Variants in CFAP69 observed in about 807,000 individuals in gnomAD.
CFAP69 encodes cilia and flagella associated protein 69.
A neutral mutation model predicts 123.0 loss-of-function variants in CFAP69; 92 were observed. The ratio of observed to expected loss-of-function variants is 0.75; its 90% CI spans 0.63 to 0.89. CFAP69 has a LOEUF of 0.89. Among genes scored for constraint, CFAP69 ranks in the 40% least tolerant of loss-of-function variants. CFAP69 has a pLI of 0.00. For missense variants in CFAP69, 1,067 were observed against 1,096.9 expected, an observed-to-expected ratio of 0.97 and a Z score of 0.39; for synonymous variants, 380 against 364.3, an observed-to-expected ratio of 1.04 and a Z score of -0.49.
At chr7:90,311,698 G>T (rs1276344688), downstream of CFAP69, among the ~76,000 whole-genome samples, 3 of 152,082 alleles carry the variant, frequency 2.0e-5, no homozygotes, top group Non-Finnish European at 4.4e-5. Flanking sequence ...TCATTGAGAG[G>T]TAGGGGTTGC....
At chr7:90,292,572 C>G (rs1791354536) in intron 15 of CFAP69, among the ~76,000 whole-genome samples, 1 of 152,166 alleles carries the variant, frequency 6.6e-6, no homozygotes, top group Non-Finnish European at 1.5e-5. Context: ...ATTAAGAACA[C>G]TCACGAATAG....
intron 15 of CFAP69, among the ~76,000 whole-genome samples, chr7:90,290,342 G>C (rs1489665960): frequency 6.6e-6 from 1 of 152,158 alleles, no homozygotes; most frequent in Non-Finnish European, 1.5e-5. Flanking sequence ...AAAGCTGGAT[G>C]CTTGAAGCCC....
rs550493329 is a variant in CFAP69 at position 90,288,264 on chromosome 7, G to A, written c.1687G>A (p.Val563Ile). The A allele has an allele frequency of 1.9e-5, 30 of 1,610,572 alleles. 1 individual carries two copies. The highest frequency in any genetic ancestry group is 1.7e-4 in the Middle Eastern group (1 of 6,034). Residue 563 changes from valine (V) to isoleucine (I), a missense_variant, in exon 15 of 23, where the codon GTT becomes ATT. By Grantham distance (29) the Val-to-Ile change is conservative. Transcript: ENST00000389297. Reference protein sequence around the residue: ...EIFGTEGVDIVLHVMKTDPRK... With the variant: ...EIFGTEGVDIILHVMKTDPRK... ...TTTCGGAACTGAAGGAGTAGATATC[G>A]TTCTTCATGTGATGAAAACAGACCC...
intron 3 of CFAP69, among the ~76,000 whole-genome samples, chr7:90,261,462 T>A (rs1384427573): frequency 1.3e-5 from 2 of 152,272 alleles, no homozygotes; most frequent in East Asian, 3.9e-4. Context: ...CCTAACCAAT[T>A]TAAGCCTTAA....
chr7:90,262,162 A>T, intron 4 of CFAP69, 106 bp downstream of exon 4: 1 of 658,540 alleles, frequency 1.5e-6, no homozygotes, highest in Non-Finnish European at 2.5e-6. Flanking sequence ...ATTGCTACAG[A>T]ACTCAGAAAA....
intron 18 of CFAP69, chr7:90,304,438 A>C (rs1432273305): frequency 1.7e-5 from 20 of 1,205,272 alleles, no homozygotes; most frequent in Non-Finnish European, 1.9e-5. Flanking sequence ...CTGTCTATTA[A>C]GGAAAAAGTT....
Position 90,245,449 on chromosome 7 carries a change from AC to A in CFAP69, c.27del (p.Ala10ProfsTer24). MWTEEAGA[T>X]AEAQESGIRN... is the part of the protein sequence containing the mutation. ...CATGTGGACAGAGGAAGCCGGGGCG[AC>A]CGCCGAGGCCCAGGAATCCGGCATC... On this transcript the variant is annotated frameshift_variant, in exon 1 of 23. Coordinates refer to ENST00000389297, the MANE Select transcript of CFAP69 (RefSeq NM_001039706.3). LOFTEE classifies it high-confidence loss of function. 1 of 1,557,756 alleles carries A rather than the reference AC, an allele frequency of 6.4e-7. No individual in the cohort carries two copies. Among genetic ancestry groups the A allele is most frequent in the Non-Finnish European group, 8.7e-7 (1 of 1,154,362 alleles).
intron 22 of CFAP69, 131 bp from the exon 23 acceptor site, chr7:90,309,937 A>G (rs1394616650): frequency 4.4e-6 from 3 of 675,822 alleles, no homozygotes; most frequent in South Asian, 2.2e-5. Context: ...TCTTTCTATT[A>G]TACCATAACT....
chr7:90,313,840 A>G (rs1562937670), downstream of CFAP69, among the ~76,000 whole-genome samples: 1 of 152,232 alleles, frequency 6.6e-6, no homozygotes, highest in Non-Finnish European at 1.5e-5. Context: ...GGTTATGCTT[A>G]GTGACTTCTT....
chr7:90,311,568 A>T (rs150943787), downstream of CFAP69, among the ~76,000 whole-genome samples: 8 of 152,282 alleles, frequency 5.3e-5, no homozygotes, highest in Non-Finnish European at 1.2e-4. Flanking sequence ...AGGCTCTATC[A>T]CCTCAATGTA....
chr7:90,249,164 G>A (rs1584283335), intron 1 of CFAP69, among the ~76,000 whole-genome samples: 2 of 152,122 alleles, frequency 1.3e-5, no homozygotes. Context: ...ATTGGATCAT[G>A]GGGGTGATTT....
At chr7:90,286,452 A>G in intron 14 of CFAP69, 53 bp downstream of exon 14, 1 of 1,560,458 alleles carries the variant, frequency 6.4e-7, no homozygotes, top group Non-Finnish European at 8.7e-7. Context: ...CTAACACTAT[A>G]AACTATTTTT....
At chr7:90,292,606 G>A (rs1185681981) in intron 15 of CFAP69, among the ~76,000 whole-genome samples, 2 of 152,098 alleles carry the variant, frequency 1.3e-5, no homozygotes, top group African/African-American at 2.4e-5. Context: ...GAGAAATTGG[G>A]TAGAAAAAAC....
chr7:90,269,859 A>G (rs757763704), intron 6 of CFAP69, among the ~76,000 whole-genome samples: 2 of 152,152 alleles, frequency 1.3e-5, no homozygotes, highest in Non-Finnish European at 2.9e-5. Context: ...TCACATTTGT[A>G]GGCAGAGGAG....
chr7:90,271,469 G>A, intron 6 of CFAP69, 57 bp from the exon 7 acceptor site: 1 of 1,495,374 alleles, frequency 6.7e-7, no homozygotes, highest in South Asian at 1.3e-5. Context: ...TCATTCTTTT[G>A]TCTTAATGAT....
intron 17 of CFAP69, 104 bp downstream of exon 17, chr7:90,300,163 A>ATTTT: frequency 1.8e-5 from 16 of 878,366 alleles, no homozygotes; most frequent in East Asian, 9.1e-5. Flanking sequence ...CTTTGTCTAA[A>ATTTT]GTTTTTTTTT....
intron 6 of CFAP69, among the ~76,000 whole-genome samples, chr7:90,270,713 G>A (rs1260582004): frequency 1.3e-5 from 2 of 151,854 alleles, no homozygotes; most frequent in Non-Finnish European, 2.9e-5. Flanking sequence ...AAAAAGTCAG[G>A]GTGTTAGATA....
In CFAP69 at chr7:90,268,291, T is replaced by G; in HGVS notation, c.439T>G (p.Leu147Val). 6.2e-7 allele frequency: 1 copy of G among 1,603,942 alleles called. No individual in the cohort carries two copies. The highest frequency in any genetic ancestry group is 2.3e-5 in the East Asian group (1 of 44,432). The change falls in exon 6 of 23, where the codon TTA (leucine) becomes GTA (valine). Residue 147 changes from leucine to valine, a missense_variant. Physicochemically the swap from Leu to Val is conservative, Grantham distance 32. Coordinates refer to ENST00000389297, the MANE Select transcript of CFAP69 (RefSeq NM_001039706.3). ...TANSIALLGDLMKIPSSELRI... is the reference protein window; with the variant it reads ...TANSIALLGDVMKIPSSELRI... Reference sequence around the variant, plus strand: ...CCTGTTTATCTTTCTGGCAGGTGACTTAATGAAAATACCAAGTTCTGAATT... The same window carrying G: ...CCTGTTTATCTTTCTGGCAGGTGACGTAATGAAAATACCAAGTTCTGAATT...
intron 16 of CFAP69, among the ~76,000 whole-genome samples, 176 bp downstream of exon 16, chr7:90,298,006 G>A (rs1373390400): frequency 6.6e-6 from 1 of 152,116 alleles, no homozygotes; most frequent in Non-Finnish European, 1.5e-5. Flanking sequence ...TGTTTTAAAG[G>A]CTCTGAAAAT....
Sources: gnomAD v4.1 joint callset for allele counts (sites outside exome capture counted in the v4.1 genomes callset) on GRCh38, gnomAD v4.1.1 for gene constraint, MANE v1.5 for transcripts, NCBI Gene and HGNC (gene_info 2026-07-23, HGNC 2026-07-21) for gene names.